KANK1: variants seen among roughly 807,000 people sequenced by gnomAD.
KANK1 encodes KN motif and ankyrin repeat domains 1.
In KANK1, 109 loss-of-function variants were observed where a neutral mutation model predicts 106.2. The ratio of observed to expected loss-of-function variants is 1.03; its 90% confidence interval spans 0.88 to 1.20. KANK1 has a LOEUF of 1.20. KANK1 is among the 50% of genes most tolerant of loss of function. The pLI is 0.00. For synonymous variants in KANK1, 873 were observed against 652.2 expected (o/e 1.34, Z -5.16); for missense variants, 2,399 against 1,710.7 (o/e 1.40, Z -7.10).
chr9:523,284 A>G (rs1466742001), intron 1 of KANK1, among the ~76,000 whole-genome samples: 2 of 151,568 alleles, frequency 1.3e-5, no homozygotes, highest in Non-Finnish European at 1.5e-5. Context: ...AAACTTTGTA[A>G]TCATCTTCAC....
At chr9:741,487 CTTTT>C (rs71314737) in intron 9 of KANK1, among the ~76,000 whole-genome samples, 1 of 109,538 alleles carries the variant, frequency 9.1e-6, no homozygotes, top group Non-Finnish European at 1.9e-5. Context: ...CCACACCTGG[CTTTT>C]TTTTTTTTTT....
intron 7 of KANK1, among the ~76,000 whole-genome samples, chr9:737,942 T>G (rs1233045273): frequency 6.6e-6 from 1 of 152,220 alleles, no homozygotes; most frequent in Non-Finnish European, 1.5e-5. Flanking sequence ...ATTATCCAGT[T>G]TTTCAGATGA....
chr9:604,386 C>A (rs1828555220), intron 1 of KANK1, among the ~76,000 whole-genome samples: 1 of 151,608 alleles, frequency 6.6e-6, no homozygotes, highest in African/African-American at 2.4e-5. Context: ...TGGTTTACCC[C>A]ATGCTGTCCT....
intron 1 of KANK1, among the ~76,000 whole-genome samples, chr9:507,111 C>A (rs1031645388): frequency 6.7e-6 from 1 of 150,248 alleles, no homozygotes; most frequent in Non-Finnish European, 1.5e-5. Flanking sequence ...AGGCCTGTTG[C>A]ATGGGTGACA....
At chr9:516,564 G>A (rs534402744) in intron 1 of KANK1, among the ~76,000 whole-genome samples, 2 of 151,528 alleles carry the variant, frequency 1.3e-5, no homozygotes, top group East Asian at 1.9e-4. Flanking sequence ...GAAGGGGAGC[G>A]GTTTTGGCTG....
chr9:661,411 G>T lies in KANK1; in HGVS notation c.-83-15479G>T, dbSNP rs534112357. On this transcript the variant is annotated intron_variant, in intron 1 of 11. Transcript: ENST00000382297. ...GTCCTTGCAATAGTTTGCTCAGAAT[G>T]ATGGTTTCCAGCTTCATCCATGTCC... 2.6e-5 allele frequency among the ~76,000 whole-genome samples: 4 copies of T among 152,182 alleles called. No homozygotes were observed. In the East Asian group the frequency reaches 7.7e-4, roughly 29 times the overall value.
chr9:574,546 A>G (rs958637334), intron 1 of KANK1, among the ~76,000 whole-genome samples: 3 of 152,096 alleles, frequency 2.0e-5, no homozygotes, highest in African/African-American at 7.2e-5. Flanking sequence ...AAGCCTTTTT[A>G]TTTGTAATGT....
Position 745,476 on chromosome 9 carries a change from G to A in KANK1, c.*241G>A, listed in dbSNP as rs1836952144. On this transcript the variant is annotated 3_prime_UTR_variant, in exon 12 of 12. Transcript: ENST00000382297. ...TTAACCCAGTCTCTGTTGCTGTTGA[G>A]TCTCTGCTCCGTTTTGTACAGTCAC... is the stretch of plus-strand genomic sequence containing the variant. The A allele has an allele frequency of 6.9e-6, 3 of 433,578 alleles. No homozygotes were observed. The South Asian group carries it at 9.0e-5, about 13-fold the overall frequency. The allele number at this position is 433,578 out of a possible 1,614,324, so 26.9% of individuals were successfully genotyped here.
intron 1 of KANK1, among the ~76,000 whole-genome samples, chr9:669,364 A>G (rs933639940): frequency 6.6e-6 from 1 of 152,212 alleles, no homozygotes. Context: ...TTCAGATTGA[A>G]GAACCATCTT....
chr9:498,636 G>C (rs756247665), intron 3 of KANK1, among the ~76,000 whole-genome samples: 6 of 152,128 alleles, frequency 3.9e-5, no homozygotes, highest in Non-Finnish European at 5.9e-5. Context: ...AGATGTGAAT[G>C]GACATTTCTC....
At chr9:708,247 G>C (rs1824854746) in intron 2 of KANK1, among the ~76,000 whole-genome samples, 1 of 143,226 alleles carries the variant, frequency 7.0e-6, no homozygotes, top group Non-Finnish European at 1.6e-5. Flanking sequence ...GGCTGCTGCA[G>C]CTTCTCTCCT....
intron 2 of KANK1, among the ~76,000 whole-genome samples, chr9:687,399 C>T (rs1053429130): frequency 6.6e-6 from 1 of 152,144 alleles, no homozygotes; most frequent in Non-Finnish European, 1.5e-5. Flanking sequence ...CTATTATTCC[C>T]TTATCTTAAC....
At chr9:700,111 C>T (rs1196471038) in intron 2 of KANK1, among the ~76,000 whole-genome samples, 4 of 152,312 alleles carry the variant, frequency 2.6e-5, no homozygotes, top group South Asian at 2.1e-4. Context: ...AAGCCTAGCA[C>T]GTGGCAGGTG....
intron 1 of KANK1, among the ~76,000 whole-genome samples, chr9:652,983 A>G (rs1467463095): frequency 6.6e-6 from 1 of 152,184 alleles, no homozygotes; most frequent in Non-Finnish European, 1.5e-5. Context: ...AATTCTCTGA[A>G]TAGTCCTCAC....
rs367838742 is a variant in KANK1 at position 526,906 on chromosome 9, C to T, written c.-84+22152C>T. 7.3e-5 allele frequency among the ~76,000 whole-genome samples: 11 copies of T among 151,710 alleles called. 1 individual carries two copies. Among genetic ancestry groups the T allele is most frequent in the South Asian group, 2.1e-4 (1 of 4,824 alleles). On this transcript the variant is annotated intron_variant, in intron 1 of 11. Transcript: ENST00000382297. ...ATAACTCTTATGACTTCCCCCAACACGTCTCTTCTCCTGCTGTAATATTAA... is the reference window on the plus strand; with the variant it reads ...ATAACTCTTATGACTTCCCCCAACATGTCTCTTCTCCTGCTGTAATATTAA...
At chr9:527,020 C>T (rs918390840) in intron 1 of KANK1, among the ~76,000 whole-genome samples, 3 of 151,708 alleles carry the variant, frequency 2.0e-5, no homozygotes, top group African/African-American at 7.3e-5. Context: ...TTAAATATTT[C>T]CTTCCTCATA....
chr9:742,835 C>T (rs75259231), intron 10 of KANK1, among the ~76,000 whole-genome samples: 2,216 of 152,270 alleles, frequency 0.015, 30 homozygotes, highest in Middle Eastern at 0.041. Context: ...GAACCTTTTC[C>T]ACCCAAAGTG....
chr9:613,661 C>G (rs1043129429), intron 1 of KANK1, among the ~76,000 whole-genome samples: 8 of 152,098 alleles, frequency 5.3e-5, no homozygotes, highest in Non-Finnish European at 1.0e-4. Flanking sequence ...AGAGCAAACT[C>G]TCTATTACTA....
chr9:695,409 G>A (rs925351359), intron 2 of KANK1, among the ~76,000 whole-genome samples: 1 of 152,078 alleles, frequency 6.6e-6, no homozygotes, highest in African/African-American at 2.4e-5. Flanking sequence ...TTCCTGTGCT[G>A]GACTGGGACT....
Sources: allele counts gnomAD v4.1 joint callset (sites outside exome capture counted in the v4.1 genomes callset), GRCh38; gene constraint gnomAD v4.1.1; transcripts MANE v1.5; gene names NCBI Gene and HGNC (gene_info 2026-07-23, HGNC 2026-07-21).